The following HYCC2 variants were observed in gnomAD, a reference collection of about 807,000 sequenced individuals.
HYCC2 encodes the protein hyccin 2.
the HYCC2 span, chr2:200,992,813 A>C: frequency 1.1e-6 from 1 of 917,276 alleles, no homozygotes; most frequent in Non-Finnish European, 1.8e-6. Flanking sequence ...GTGTCGGATA[A>C]GGAAGAAAGA....
At chr2:201,008,771 AC>A in the HYCC2 span, among the ~76,000 whole-genome samples, 1 of 152,070 alleles carries the variant, frequency 6.6e-6, no homozygotes, top group Non-Finnish European at 1.5e-5. Context: ...GGTGGTGTAC[AC>A]CTGTAGTCCT....
At chr2:200,999,818 C>T in the HYCC2 span, among the ~76,000 whole-genome samples, 3,377 of 149,918 alleles carry the variant, frequency 0.023, 140 homozygotes, top group African/African-American at 0.079. Flanking sequence ...AATCCCAGCA[C>T]ATTGGGAGGC....
chr2:201,048,866 A>C, the HYCC2 span, among the ~76,000 whole-genome samples: 2 of 152,136 alleles, frequency 1.3e-5, no homozygotes, highest in South Asian at 2.1e-4. Flanking sequence ...TGGCGGCTCA[A>C]GCCTATGATT....
the HYCC2 span, chr2:200,992,862 A>C: frequency 7.4e-7 from 1 of 1,352,900 alleles, no homozygotes; most frequent in South Asian, 1.2e-5. Context: ...AAGAATTCAT[A>C]CAATTTTATA....
At chr2:201,062,872 A>T in the HYCC2 span, among the ~76,000 whole-genome samples, 1 of 148,458 alleles carries the variant, frequency 6.7e-6, no homozygotes, top group Non-Finnish European at 1.5e-5. Flanking sequence ...TATAATATAT[A>T]TAAACATATA....
chr2:200,985,582 G>T, the HYCC2 span, among the ~76,000 whole-genome samples: 1 of 152,144 alleles, frequency 6.6e-6, no homozygotes, highest in Admixed American at 6.6e-5. Context: ...GATCACTTAA[G>T]ACCAGGAAGT....
chr2:201,034,457 G>A, the HYCC2 span, among the ~76,000 whole-genome samples: 1 of 151,628 alleles, frequency 6.6e-6, no homozygotes, highest in East Asian at 1.9e-4. Context: ...TCCATTTGCT[G>A]GGTAGATCTT....
At chr2:200,979,144 T>G in the HYCC2 span, 31 of 152,204 alleles carry the variant, frequency 2.0e-4, no homozygotes, top group African/African-American at 7.5e-4. Context: ...TGGGCCTTTA[T>G]AGCTCATTTA....
chr2:201,064,878 C>G, the HYCC2 span, among the ~76,000 whole-genome samples: 1 of 152,134 alleles, frequency 6.6e-6, no homozygotes, highest in Admixed American at 6.5e-5. Context: ...TCTCATGTAC[C>G]CTTTGCCCAT....
chr2:200,991,122 T>G, the HYCC2 span, among the ~76,000 whole-genome samples: 1 of 152,250 alleles, frequency 6.6e-6, no homozygotes, highest in Admixed American at 6.5e-5. Context: ...GTATCATGAC[T>G]GCTGAAAATA....
At chr2:200,994,429 G>A in the HYCC2 span, among the ~76,000 whole-genome samples, 5 of 152,156 alleles carry the variant, frequency 3.3e-5, no homozygotes, top group South Asian at 2.1e-4. Flanking sequence ...TAGAGATGGG[G>A]TTTCACTATG....
At chr2:201,012,904 T>C in the HYCC2 span, among the ~76,000 whole-genome samples, 2 of 151,514 alleles carry the variant, frequency 1.3e-5, no homozygotes, top group African/African-American at 4.9e-5. Context: ...GAGATCACAC[T>C]ATCGCACTCT....
the HYCC2 span, chr2:200,981,970 T>G: frequency 7.3e-7 from 1 of 1,368,928 alleles, no homozygotes; most frequent in Non-Finnish European, 9.8e-7. This position sits in a 1 kb window ranked among gnomAD's most constrained non-coding sequence, Gnocchi z 4.5. Flanking sequence ...ATGTTCGCTA[T>G]AGGTTGTCAA....
At chr2:200,997,584 C>A in the HYCC2 span, 1,878 of 1,229,684 alleles carry the variant, frequency 1.5e-3, 1 homozygote, top group Non-Finnish European at 1.9e-3. Flanking sequence ...CAAATAATTA[C>A]TTCTACTAGC....
the HYCC2 span, among the ~76,000 whole-genome samples, chr2:200,985,290 T>A: frequency 1.3e-5 from 2 of 152,270 alleles, no homozygotes; most frequent in East Asian, 1.9e-4. Context: ...CAAGAAGCTA[T>A]GAAATGGATT....
chr2:201,045,482 AG>A, the HYCC2 span: 1 of 397,924 alleles, frequency 2.5e-6, no homozygotes, highest in Non-Finnish European at 4.4e-6. Flanking sequence ...AAAAAGTTAA[AG>A]TCTTAATTTT....
chr2:201,028,347 T>C, the HYCC2 span, among the ~76,000 whole-genome samples: 1 of 152,186 alleles, frequency 6.6e-6, no homozygotes, highest in Non-Finnish European at 1.5e-5. Context: ...TCCATGTTCA[T>C]GGACAGGAAG....
the HYCC2 span, among the ~76,000 whole-genome samples, chr2:201,011,926 T>C: frequency 6.6e-6 from 1 of 152,220 alleles, no homozygotes; most frequent in Admixed American, 6.5e-5. Flanking sequence ...GAATGAATTT[T>C]TTCCAGCTTT....
chr2:201,035,643 G>C, the HYCC2 span, among the ~76,000 whole-genome samples: 1 of 152,190 alleles, frequency 6.6e-6, no homozygotes, highest in East Asian at 1.9e-4. Context: ...CATTGCTGGT[G>C]AGGAGCTGCG....
Sources: allele counts gnomAD v4.1 joint callset (sites outside exome capture counted in the v4.1 genomes callset), GRCh38; gene constraint gnomAD v4.1.1; non-coding constraint Gnocchi (gnomAD v3.1); transcripts MANE v1.5; gene names NCBI Gene and HGNC (gene_info 2026-07-23, HGNC 2026-07-21).